Variants in BRIP1 observed in about 807,000 individuals in gnomAD.
BRIP1 encodes BRCA1 interacting DNA helicase 1, also known as Fanconi anemia group J protein.
BRIP1 carries 88 observed loss-of-function variants against 119.7 expected under a neutral mutation model. The ratio of observed to expected loss-of-function variants is 0.74; its 90% CI spans 0.62 to 0.88. BRIP1 has a LOEUF of 0.88. BRIP1 is among the 40% of genes least tolerant of loss of function. The pLI is 0.00. For missense variants in BRIP1, 1,259 were observed against 1,455.4 expected (o/e 0.87, Z 2.20); for synonymous variants, 443 against 496.5 (o/e 0.89, Z 1.43).
chr17:61,847,059 T>C lies in BRIP1; in HGVS notation c.627+42A>G, dbSNP rs755060043. 1.9e-6 allele frequency: 3 copies of C among 1,611,752 alleles called. No individual in the cohort carries two copies. In the South Asian group the frequency reaches 3.3e-5, roughly 18 times the overall value. On this transcript the variant is annotated intron_variant, in intron 6 of 19. Coordinates refer to ENST00000259008, the MANE Select transcript of BRIP1 (RefSeq NM_032043.3). The stretch of plus-strand genomic sequence containing the variant: ...TCAAAAATTGGTTTAGAAAATTCCA[T>C]ATCTTCCTTCTTTAAAACTGAACAA...
rs950461150 is a variant in BRIP1, at chr17:61,819,054, T to G, written c.628-10297A>C. Among the ~76,000 whole-genome samples, 99 of 151,586 alleles carry G rather than the reference T, an allele frequency of 6.5e-4. 1 individual carries two copies. The highest frequency in any genetic ancestry group is 2.4e-3 in the African/African-American group (98 of 41,256). ...TACAAAAATCAGCCAGGTGTGGTGGTGCACGCCTGTAATCCCAGCTACTCA... is the reference window on the plus strand; with the variant it reads ...TACAAAAATCAGCCAGGTGTGGTGGGGCACGCCTGTAATCCCAGCTACTCA... On this transcript the variant is annotated intron_variant, in intron 6 of 19. Coordinates refer to ENST00000259008, the MANE Select transcript of BRIP1 (RefSeq NM_032043.3).
In BRIP1 at chr17:61,831,714, G is replaced by C. The variant is rs1162046795; in HGVS notation, c.627+15387C>G. Among the ~76,000 whole-genome samples the C allele has an allele frequency of 6.6e-6, 1 of 152,166 alleles. No homozygotes were observed. ...TATGAACACTGGTGTACAAGTATCT[G>C]AGTACCTGCTTTCAATTCTTTTGGA... is the stretch of plus-strand genomic sequence containing the variant. On this transcript the variant is annotated intron_variant, in intron 6 of 19. Coordinates refer to ENST00000259008, the MANE Select transcript of BRIP1 (RefSeq NM_032043.3). This position sits in a 1 kb window ranked among gnomAD's most constrained non-coding sequence, Gnocchi z 4.1.
In BRIP1 at chr17:61,804,027, T is replaced by C. The variant is rs1228184195; in HGVS notation, c.919-2553A>G. ...ATGTTGAATAACGTGTATAGAATGA[T>C]TAAATTCATGTAAATTGCTTTTTTA... is the stretch of plus-strand genomic sequence containing the variant. On this transcript the variant is annotated intron_variant, in intron 7 of 19. Transcript: ENST00000259008. This position sits in a 1 kb window ranked among gnomAD's most constrained non-coding sequence, Gnocchi z 4.5. Among the ~76,000 whole-genome samples the C allele has an allele frequency of 1.3e-5, 2 of 152,128 alleles. No homozygotes were observed. Among genetic ancestry groups the C allele is most frequent in the Non-Finnish European group, 2.9e-5 (2 of 68,002 alleles).
chr17:61,766,257 T>C (rs2077372089), intron 14 of BRIP1, among the ~76,000 whole-genome samples: 1 of 152,146 alleles, frequency 6.6e-6, no homozygotes, highest in Non-Finnish European at 1.5e-5. Flanking sequence ...ATGTGCCCAG[T>C]AAATGTTTGT....
chr17:61,741,878 A>G (rs1050269410), intron 16 of BRIP1, among the ~76,000 whole-genome samples: 1 of 152,222 alleles, frequency 6.6e-6, no homozygotes, highest in African/African-American at 2.4e-5. Context: ...CACCAGCTGC[A>G]CTGGCCCATC....
chr17:61,863,113 G>A (rs1164917263), intron 1 of BRIP1, among the ~76,000 whole-genome samples, 171 bp downstream of exon 1: 1 of 152,096 alleles, frequency 6.6e-6, no homozygotes, highest in African/African-American at 2.4e-5. Flanking sequence ...GAACAGGCCT[G>A]CGCTCAAAGG....
In BRIP1 at chr17:61,798,978, A is replaced by T. The variant is rs2077943321; in HGVS notation, c.1340+122T>A. On this transcript the variant is annotated intron_variant, in intron 9 of 19. Transcript: ENST00000259008. This position sits in a 1 kb window ranked among gnomAD's most constrained non-coding sequence, Gnocchi z 5.5. ...TGTTTTTAAAGCTTAACTGGCAAGG[A>T]ACAATTCATTTCCCAAGAAGCCTAG... 2 of 900,798 alleles carry T rather than the reference A, an allele frequency of 2.2e-6. No individual in the cohort carries two copies. The highest frequency in any genetic ancestry group is 2.5e-5 in the East Asian group (1 of 39,844). 55.8% of individuals were successfully genotyped at this position (900,798 alleles called of 1,614,324 possible).
intron 10 of BRIP1, among the ~76,000 whole-genome samples, chr17:61,790,776 A>G (rs1186852191): frequency 1.3e-5 from 2 of 151,722 alleles, no homozygotes; most frequent in Non-Finnish European, 2.9e-5. Context: ...AGTAGCTGGG[A>G]CTACAGCGCA....
Position 61,789,871 on chromosome 17 carries a change from T to C in BRIP1, c.1473+3726A>G, listed in dbSNP as rs1231106082. On this transcript the variant is annotated intron_variant, in intron 10 of 19. Coordinates refer to ENST00000259008, the MANE Select transcript of BRIP1 (RefSeq NM_032043.3). The surrounding 1 kb of genome is among the most constrained non-coding windows in gnomAD (Gnocchi z 4.8). The stretch of plus-strand genomic sequence containing the variant: ...ATCACAATGTTCACAATGTTCATCT[T>C]TGAGTTTATGAGTCATTTTTCTTTG... Among the ~76,000 whole-genome samples the C allele has an allele frequency of 6.6e-6, 1 of 152,224 alleles. No homozygotes were observed. The highest frequency in any genetic ancestry group is 6.5e-5 in the Admixed American group (1 of 15,284).
rs988070367 is a variant in BRIP1 at position 61,803,169 on chromosome 17, A to C, written c.919-1695T>G. ...CAGTGGCACGATCCAATCTTGGTTC[A>C]CTGCAACCTCCGCCTCCCAGGTTCA... On this transcript the variant is annotated intron_variant, in intron 7 of 19. Transcript: ENST00000259008. The surrounding 1 kb of genome is among the most constrained non-coding windows in gnomAD (Gnocchi z 4.3). 4.0e-5 allele frequency among the ~76,000 whole-genome samples: 6 copies of C among 150,538 alleles called. No individual in the cohort carries two copies. The highest frequency in any genetic ancestry group is 2.0e-4 in the Admixed American group (3 of 15,102).
rs148735095 is a variant in BRIP1, at chr17:61,744,921, CACT to C, written c.2098-333_2098-331del. On this transcript the variant is annotated intron_variant, in intron 14 of 19. Coordinates refer to ENST00000259008, the MANE Select transcript of BRIP1 (RefSeq NM_032043.3). The surrounding 1 kb of genome is among the most constrained non-coding windows in gnomAD (Gnocchi z 5.0). Reference sequence around the variant, plus strand: ...TCTTGGCAATTTCTACCACCACCACCACTACTACTACTACTACTACTATCTTGG... The same window carrying C: ...TCTTGGCAATTTCTACCACCACCACCACTACTACTACTACTACTATCTTGG... 1.5e-4 allele frequency among the ~76,000 whole-genome samples: 22 copies of C among 150,700 alleles called. No homozygotes were observed. Among genetic ancestry groups the C allele is most frequent in the African/African-American group, 1.5e-4 (6 of 41,134 alleles).
At chr17:61,712,582 G>A (rs2061794922) in intron 17 of BRIP1, among the ~76,000 whole-genome samples, 1 of 152,042 alleles carries the variant, frequency 6.6e-6, no homozygotes, top group African/African-American at 2.4e-5. Flanking sequence ...ACATGGTGAA[G>A]TTAATTAAAA....
chr17:61,776,575 T>A lies in BRIP1; in HGVS notation c.1936-13A>T. The A allele has an allele frequency of 6.2e-7, 1 of 1,613,072 alleles. No homozygotes were observed. The highest frequency in any genetic ancestry group is 8.5e-7 in the Non-Finnish European group (1 of 1,179,046). On this transcript the variant is annotated splice_polypyrimidine_tract_variant and intron_variant, in intron 13 of 19. Coordinates refer to ENST00000259008, the MANE Select transcript of BRIP1 (RefSeq NM_032043.3). This position sits in a 1 kb window ranked among gnomAD's most constrained non-coding sequence, Gnocchi z 5.0. ...TACCAACCCAAACCTAGAATATGAA[T>A]ATGTCATTATTAGAGTTATGCCTGA...
intron 19 of BRIP1, chr17:61,685,569 G>A (rs2061348406): frequency 2.1e-6 from 1 of 471,526 alleles, no homozygotes; most frequent in Non-Finnish European, 3.7e-6. Context: ...TTCCTATTAC[G>A]ACTCAAAAAG....
chr17:61,853,013 T>C lies in BRIP1; in HGVS notation c.380-3757A>G, dbSNP rs2078844340. Among the ~76,000 whole-genome samples, 1 of 152,112 alleles carries C rather than the reference T, an allele frequency of 6.6e-6. No homozygotes were observed. Among genetic ancestry groups the C allele is most frequent in the Admixed American group, 6.6e-5 (1 of 15,256 alleles). On this transcript the variant is annotated intron_variant, in intron 4 of 19. Transcript: ENST00000259008. This position sits in a 1 kb window ranked among gnomAD's most constrained non-coding sequence, Gnocchi z 4.3. ...TGTGTCTACAGACAATACTTACCTA[T>C]TTGCACCCTTTGAACAAGAATGTTC...
intron 14 of BRIP1, among the ~76,000 whole-genome samples, chr17:61,773,680 T>C (rs913343424): frequency 1.3e-5 from 2 of 152,126 alleles, no homozygotes; most frequent in African/African-American, 4.8e-5. Flanking sequence ...TTTTGCGATC[T>C]ACCCATCTGA....
At chr17:61,784,528 T>C in intron 10 of BRIP1, 104 bp from the exon 11 acceptor site, 1 of 1,064,664 alleles carries the variant, frequency 9.4e-7, no homozygotes, top group Non-Finnish European at 1.4e-6. Flanking sequence ...ATTGAAATTT[T>C]AGGTGAACAG....
At position 61,693,209 on chromosome 17, in the gene BRIP1, G is replaced by C. The variant is rs187531084; in HGVS notation, c.2575+221C>G. On this transcript the variant is annotated intron_variant, in intron 18 of 19. Transcript: ENST00000259008. The surrounding 1 kb of genome is among the most constrained non-coding windows in gnomAD (Gnocchi z 4.2). ...TATAGCGGTGGTTGTCAGTGGACAGGGGGGAGAGGGACATGGGGCATTGCT... is the reference window on the plus strand; with the variant it reads ...TATAGCGGTGGTTGTCAGTGGACAGCGGGGAGAGGGACATGGGGCATTGCT... Among the ~76,000 whole-genome samples the C allele has an allele frequency of 2.6e-4, 40 of 152,188 alleles. No individual in the cohort carries two copies. Among genetic ancestry groups the C allele is most frequent in the African/African-American group, 8.2e-4 (34 of 41,532 alleles).
In BRIP1 at chr17:61,844,266, T is replaced by C. The variant is rs2145720269; in HGVS notation, c.627+2835A>G. Among the ~76,000 whole-genome samples the C allele has an allele frequency of 6.6e-6, 1 of 152,144 alleles. No individual in the cohort carries two copies. On this transcript the variant is annotated intron_variant, in intron 6 of 19. Coordinates refer to ENST00000259008, the MANE Select transcript of BRIP1 (RefSeq NM_032043.3). This position sits in a 1 kb window ranked among gnomAD's most constrained non-coding sequence, Gnocchi z 4.7. ...AAAAATTAAGATCAGGCAGTATGTGTCCAAAGTCCATTCTCTTAACCAATA... is the reference window on the plus strand; with the variant it reads ...AAAAATTAAGATCAGGCAGTATGTGCCCAAAGTCCATTCTCTTAACCAATA...
Sources: allele counts gnomAD v4.1 joint callset (sites outside exome capture counted in the v4.1 genomes callset), GRCh38; gene constraint gnomAD v4.1.1; non-coding constraint Gnocchi (gnomAD v3.1); transcripts MANE v1.5; gene names NCBI Gene and HGNC (gene_info 2026-07-23, HGNC 2026-07-21).